STX17: variants seen among roughly 807,000 people sequenced by gnomAD.
The protein encoded by STX17 is syntaxin 17, also known as syntaxin-17.
Under a neutral mutation model 35.9 loss-of-function variants are expected in STX17, and 29 were observed. That is an observed-to-expected ratio of 0.81 (90% CI 0.60 to 1.10). STX17 has a LOEUF of 1.10. Among genes scored for constraint, STX17 ranks in the 50% least tolerant of loss-of-function variants. The pLI, the probability that STX17 is intolerant of heterozygous loss-of-function variation, is 0.00. For missense variants in STX17, 312 were observed against 352.3 expected (o/e 0.89, Z 0.92); for synonymous variants, 92 against 118.3 (o/e 0.78, Z 1.44).
chr9:99,928,190 C>T (rs1222108216), intron 2 of STX17, among the ~76,000 whole-genome samples: 1 of 151,876 alleles, frequency 6.6e-6, no homozygotes, highest in Non-Finnish European at 1.5e-5. Flanking sequence ...CCTATGGTTC[C>T]TATCAAATGA....
chr9:99,928,464 A>G (rs556816513), intron 2 of STX17, among the ~76,000 whole-genome samples: 1 of 152,226 alleles, frequency 6.6e-6, no homozygotes, highest in African/African-American at 2.4e-5. Flanking sequence ...ATTATTTTAC[A>G]TTCTAATTCT....
At chr9:99,908,360 A>G (rs944998668) in intron 1 of STX17, among the ~76,000 whole-genome samples, 13 of 152,130 alleles carry the variant, frequency 8.5e-5, no homozygotes, top group African/African-American at 2.4e-4. Context: ...TATTATGACT[A>G]TGGTGTTCTA....
At chr9:99,950,609 T>C (rs796151116) in intron 3 of STX17, among the ~76,000 whole-genome samples, 2 of 151,996 alleles carry the variant, frequency 1.3e-5, no homozygotes, top group African/African-American at 4.8e-5. Flanking sequence ...TATTGTTGAG[T>C]ATGGAATGGC....
At chr9:99,910,534 TTA>T (rs1174216811) in intron 1 of STX17, among the ~76,000 whole-genome samples, 1 of 152,158 alleles carries the variant, frequency 6.6e-6, no homozygotes, top group African/African-American at 2.4e-5. Context: ...TTTTTTATTT[TTA>T]TGTTACTTTT....
chr9:99,965,576 A>G (rs1829897433), intron 6 of STX17, among the ~76,000 whole-genome samples: 1 of 152,184 alleles, frequency 6.6e-6, no homozygotes. Flanking sequence ...CTAAATAGAA[A>G]CAATGATAGG....
intron 3 of STX17, chr9:99,929,912 T>TTC (rs1386723577): frequency 7.4e-6 from 1 of 134,990 alleles, no homozygotes; most frequent in Admixed American, 7.4e-5. Context: ...TTTCTTTTCT[T>TTC]TTTTTTTTTT....
intron 4 of STX17, 69 bp from the exon 5 acceptor site, chr9:99,959,848 T>C: frequency 8.5e-7 from 1 of 1,171,560 alleles, no homozygotes; most frequent in Non-Finnish European, 1.2e-6. Flanking sequence ...TTTTATGAAA[T>C]CAATTTATGC....
Position 99,971,111 on chromosome 9 carries a change from CAT to C in STX17, c.*2440_*2441del. Among the ~76,000 whole-genome samples the C allele has an allele frequency of 6.6e-6, 1 of 152,140 alleles. No homozygotes were observed. The highest frequency in any genetic ancestry group is 1.9e-4 in the East Asian group (1 of 5,198). Reference sequence around the variant, plus strand: ...CTATAAATGATAAAGTGTTTATAAGCATAGTCAGTGTGACACAGAAACCAATC... The same window carrying C: ...CTATAAATGATAAAGTGTTTATAAGCAGTCAGTGTGACACAGAAACCAATC... On this transcript the variant is annotated 3_prime_UTR_variant, in exon 8 of 8. Coordinates refer to ENST00000259400, the MANE Select transcript of STX17 (RefSeq NM_017919.3).
intron 4 of STX17, among the ~76,000 whole-genome samples, chr9:99,953,109 G>A (rs1829637708): frequency 6.6e-6 from 1 of 151,132 alleles, no homozygotes; most frequent in Non-Finnish European, 1.5e-5. Context: ...ATTTACTCAG[G>A]GCACTCCTGC....
chr9:99,942,336 TG>T (rs1362430361), intron 3 of STX17, among the ~76,000 whole-genome samples: 3 of 152,238 alleles, frequency 2.0e-5, no homozygotes, highest in Non-Finnish European at 4.4e-5. Flanking sequence ...GTTTTGCCTA[TG>T]ACCCCTTTAT....
rs1587945658 is a variant in STX17, at chr9:99,969,350, AC to A, written c.*679del. ...TGGTAGGAGACTTATTAAGCCAGTC[AC>A]CAAGCTTGGTCTGTCAGCCTGTCTT... On this transcript the variant is annotated 3_prime_UTR_variant, in exon 8 of 8. Transcript: ENST00000259400. The A allele has an allele frequency of 6.6e-6, 1 of 152,168 alleles. No individual in the cohort carries two copies. Among genetic ancestry groups the A allele is most frequent in the African/African-American group, 2.4e-5 (1 of 41,438 alleles). The allele number at this position is 152,168 out of a possible 1,614,324, so 9.4% of individuals were successfully genotyped here. A position where few individuals can be genotyped will look rare whatever the true frequency, so the allele number is the denominator to read the frequency against.
chr9:99,971,838 T>C lies in STX17; in HGVS notation c.*3165T>C, dbSNP rs1207847034. On this transcript the variant is annotated 3_prime_UTR_variant, in exon 8 of 8. Coordinates refer to ENST00000259400, the MANE Select transcript of STX17 (RefSeq NM_017919.3). ...GAGTTTGAGACCAGCCTGGGCAACA[T>C]AGTGAGACTCTTGTCTGTATGAAAA... Among the ~76,000 whole-genome samples, 1 of 79,272 alleles carries C rather than the reference T, an allele frequency of 1.3e-5. No homozygotes were observed. The highest frequency in any genetic ancestry group is 5.4e-5 in the African/African-American group (1 of 18,558). 52.0% of individuals were successfully genotyped at this position (79,272 alleles called of 152,430 possible).
At chr9:99,928,930 A>G in intron 3 of STX17, 87 bp downstream of exon 3, 1 of 1,097,882 alleles carries the variant, frequency 9.1e-7, no homozygotes, top group African/African-American at 1.6e-5. Context: ...TTGCAGCTGA[A>G]CCCTTTTATA....
At chr9:99,940,822 A>C (rs74937705) in intron 3 of STX17, among the ~76,000 whole-genome samples, 2,165 of 152,184 alleles carry the variant, frequency 0.014, 19 homozygotes, top group Non-Finnish European at 0.022. Flanking sequence ...TTTGCAAAAA[A>C]CTTTATTACA....
At chr9:99,952,682 A>G (rs545812777) in intron 4 of STX17, among the ~76,000 whole-genome samples, 1 of 152,282 alleles carries the variant, frequency 6.6e-6, no homozygotes, top group African/African-American at 2.4e-5. Context: ...CATATACACC[A>G]TGGAATACTA....
At chr9:99,933,603 G>C (rs187025208) in intron 3 of STX17, among the ~76,000 whole-genome samples, 1 of 151,796 alleles carries the variant, frequency 6.6e-6, no homozygotes, top group Non-Finnish European at 1.5e-5. Flanking sequence ...AGTTTTTTGC[G>C]TACAGGTTGT....
chr9:99,937,081 A>G (rs565981872), intron 3 of STX17, among the ~76,000 whole-genome samples: 1 of 152,184 alleles, frequency 6.6e-6, no homozygotes, highest in East Asian at 1.9e-4. Flanking sequence ...AAAGATGTTC[A>G]GCTGTCTTCT....
intron 6 of STX17, 71 bp downstream of exon 6, chr9:99,960,226 C>A: frequency 7.0e-7 from 1 of 1,422,438 alleles, no homozygotes; most frequent in South Asian, 1.2e-5. Flanking sequence ...AATCACTAGG[C>A]TTTTAATTAG....
chr9:99,958,977 CTTA>C (rs752714337), intron 4 of STX17, among the ~76,000 whole-genome samples: 1 of 152,258 alleles, frequency 6.6e-6, no homozygotes, highest in East Asian at 1.9e-4. Flanking sequence ...TGGTGACAAT[CTTA>C]TTATTACCAA....
Sources: allele counts gnomAD v4.1 joint callset (sites outside exome capture counted in the v4.1 genomes callset), GRCh38; gene constraint gnomAD v4.1.1; transcripts MANE v1.5; gene names NCBI Gene and HGNC (gene_info 2026-07-23, HGNC 2026-07-21).